Variants in GLCE observed in about 807,000 individuals in gnomAD.
The protein encoded by GLCE is glucuronic acid epimerase.
GLCE carries 19 observed loss-of-function variants against 47.9 expected under a neutral mutation model. That is an observed-to-expected ratio of 0.40 (90% confidence interval 0.28 to 0.58). GLCE has a LOEUF of 0.58. GLCE is among the 20% of genes least tolerant of loss of function. The pLI, the probability that GLCE is intolerant of heterozygous loss-of-function variation, is 0.48. For missense variants in GLCE, 556 were observed against 743.3 expected (o/e 0.75, Z 2.93); for synonymous variants, 245 against 263.4 (o/e 0.93, Z 0.68).
intron 2 of GLCE, among the ~76,000 whole-genome samples, chr15:69,215,507 A>T (rs2052293460): frequency 6.6e-6 from 1 of 151,058 alleles, no homozygotes; most frequent in South Asian, 2.1e-4. Context: ...GTTTCAGTCA[A>T]TCGTGAATAA....
intron 1 of GLCE, among the ~76,000 whole-genome samples, chr15:69,170,611 G>A (rs2051575192): frequency 6.6e-6 from 1 of 152,158 alleles, no homozygotes; most frequent in African/African-American, 2.4e-5. Flanking sequence ...CAAAACATTA[G>A]ATGAATTATG....
intron 2 of GLCE, among the ~76,000 whole-genome samples, chr15:69,226,893 C>T (rs894417977): frequency 1.3e-5 from 2 of 151,620 alleles, no homozygotes; most frequent in African/African-American, 4.8e-5. Flanking sequence ...TACAGGCGCC[C>T]ACCACCACAC....
intron 1 of GLCE, among the ~76,000 whole-genome samples, chr15:69,162,493 C>G (rs1186581624): frequency 1.3e-5 from 2 of 151,002 alleles, no homozygotes; most frequent in Admixed American, 6.6e-5. Context: ...TTTGAGTATA[C>G]CAAAGCAAAT....
At chr15:69,232,794 A>G (rs2052543709) in intron 2 of GLCE, among the ~76,000 whole-genome samples, 1 of 152,232 alleles carries the variant, frequency 6.6e-6, no homozygotes, top group African/African-American at 2.4e-5. Flanking sequence ...GGAAAAATCT[A>G]TTCACACATG....
At chr15:69,229,146 AAAG>A (rs2052486817) in intron 2 of GLCE, among the ~76,000 whole-genome samples, 1 of 152,248 alleles carries the variant, frequency 6.6e-6, no homozygotes, top group Non-Finnish European at 1.5e-5. Context: ...TACTAGACGT[AAAG>A]AAGGTCATTT....
intron 2 of GLCE, among the ~76,000 whole-genome samples, chr15:69,226,733 CTTTTTTTTTTTTTTT>C (rs61212919): frequency 2.3e-5 from 1 of 42,830 alleles, no homozygotes; most frequent in South Asian, 1.3e-3. Context: ...GCTTGCTTGC[CTTTTTTTTTTTTTTT>C]TTTTTTTTTT....
intron 1 of GLCE, among the ~76,000 whole-genome samples, chr15:69,196,109 C>A (rs2140357806): frequency 6.6e-6 from 1 of 152,186 alleles, no homozygotes; most frequent in South Asian, 2.1e-4. Context: ...TACAAGGAAT[C>A]TGTACAGATA....
chr15:69,259,179 C>T (rs867236373), intron 3 of GLCE, among the ~76,000 whole-genome samples: 1 of 152,138 alleles, frequency 6.6e-6, no homozygotes, highest in African/African-American at 2.4e-5. Context: ...GCCGTATTTT[C>T]ATGTTCTTTA....
intron 2 of GLCE, among the ~76,000 whole-genome samples, chr15:69,214,517 A>G (rs961568720): frequency 1.3e-5 from 2 of 152,154 alleles, no homozygotes; most frequent in African/African-American, 4.8e-5. Context: ...CTCCCCAGCC[A>G]TGTTGAACTG....
intron 2 of GLCE, among the ~76,000 whole-genome samples, chr15:69,230,817 T>G (rs1165571731): frequency 6.6e-6 from 1 of 152,230 alleles, no homozygotes; most frequent in Admixed American, 6.5e-5. Flanking sequence ...TTTACAGTTC[T>G]GGAGATCAGA....
At chr15:69,168,978 A>C (rs1448846372) in intron 1 of GLCE, among the ~76,000 whole-genome samples, 1 of 152,204 alleles carries the variant, frequency 6.6e-6, no homozygotes, top group Non-Finnish European at 1.5e-5. Context: ...CATTTCCAGG[A>C]CCTTGAAAGC....
chr15:69,208,895 T>C (rs1205961250), intron 1 of GLCE, among the ~76,000 whole-genome samples: 2 of 152,128 alleles, frequency 1.3e-5, no homozygotes, highest in East Asian at 3.9e-4. Context: ...AACGGTATTA[T>C]TTTTAAATGT....
rs2053160457 is a variant in GLCE at position 69,271,047 on chromosome 15, T to C, written c.*1803T>C. On this transcript the variant is annotated 3_prime_UTR_variant, in exon 5 of 5. Coordinates refer to ENST00000261858, the MANE Select transcript of GLCE (RefSeq NM_015554.3). Reference sequence around the variant, plus strand: ...CATATTTGTTATTATTTAGAATGGTTCATACGTCTGCTTTGTTTGCATACT... The same window carrying C: ...CATATTTGTTATTATTTAGAATGGTCCATACGTCTGCTTTGTTTGCATACT... 6.6e-6 allele frequency: 1 copy of C among 152,652 alleles called. No homozygotes were observed. The highest frequency in any genetic ancestry group is 1.9e-4 in the East Asian group (1 of 5,204). The allele number at this position is 152,652 out of a possible 1,614,324, so 9.5% of individuals were successfully genotyped here.
At chr15:69,164,870 T>C (rs756180165) in intron 1 of GLCE, among the ~76,000 whole-genome samples, 11 of 152,224 alleles carry the variant, frequency 7.2e-5, no homozygotes, top group Non-Finnish European at 1.3e-4. Flanking sequence ...ATTATCTATA[T>C]AATAATATGT....
At chr15:69,164,163 A>C (rs576563982) in intron 1 of GLCE, among the ~76,000 whole-genome samples, 1 of 152,194 alleles carries the variant, frequency 6.6e-6, no homozygotes, top group Non-Finnish European at 1.5e-5. Flanking sequence ...TCTTTTTGTC[A>C]AACATATACA....
At chr15:69,220,977 G>A (rs544101208) in intron 2 of GLCE, among the ~76,000 whole-genome samples, 1 of 152,250 alleles carries the variant, frequency 6.6e-6, no homozygotes, top group African/African-American at 2.4e-5. Context: ...TTTTGCATAT[G>A]GATATCCAGT....
At chr15:69,238,202 G>A (rs1389281590) in intron 2 of GLCE, among the ~76,000 whole-genome samples, 2 of 152,158 alleles carry the variant, frequency 1.3e-5, no homozygotes, top group Non-Finnish European at 2.9e-5. Flanking sequence ...CATAATGCTA[G>A]TAGTTTAAGA....
At chr15:69,238,427 T>TA (rs923661486) in intron 2 of GLCE, among the ~76,000 whole-genome samples, 90 of 150,072 alleles carry the variant, frequency 6.0e-4, no homozygotes, top group Admixed American at 5.3e-4. Context: ...ATGTGGGTGA[T>TA]AAAAAAAAAA....
intron 3 of GLCE, among the ~76,000 whole-genome samples, chr15:69,257,751 TA>T (rs1200613677): frequency 6.6e-6 from 1 of 152,032 alleles, no homozygotes; most frequent in African/African-American, 2.4e-5. Flanking sequence ...GAGGCCTTTG[TA>T]CTTAGACATA....
Sources: allele counts gnomAD v4.1 joint callset (sites outside exome capture counted in the v4.1 genomes callset), GRCh38; gene constraint gnomAD v4.1.1; transcripts MANE v1.5; gene names NCBI Gene and HGNC (gene_info 2026-07-23, HGNC 2026-07-21).